The following MAD1L1 variants were observed in gnomAD, a reference collection of about 807,000 sequenced individuals.
MAD1L1 encodes mitotic arrest deficient 1 like 1.
A neutral mutation model predicts 96.9 loss-of-function variants in MAD1L1; 95 were observed. The ratio of observed to expected loss-of-function variants is 0.98; its 90% CI spans 0.83 to 1.16. The LOEUF (loss-of-function observed/expected upper bound fraction) is 1.16, where lower values mean the gene tolerates loss of function less well. Among genes scored for constraint, MAD1L1 ranks in the 50% most tolerant of loss-of-function variants. The pLI, the probability that MAD1L1 is intolerant of heterozygous loss-of-function variation, is 0.00. For missense variants in MAD1L1, 1,007 were observed against 954.4 expected (o/e 1.06, Z -0.73); for synonymous variants, 473 against 396.6 (o/e 1.19, Z -2.29).
chr7:2,176,556 A>C (rs939846373), intron 10 of MAD1L1, among the ~76,000 whole-genome samples: 1 of 152,186 alleles, frequency 6.6e-6, no homozygotes, highest in African/African-American at 2.4e-5. Flanking sequence ...CACTATTTTT[A>C]TACAAAAAAA....
At chr7:1,910,940 C>T (rs112616888) in intron 17 of MAD1L1, among the ~76,000 whole-genome samples, 1 of 152,184 alleles carries the variant, frequency 6.6e-6, no homozygotes, top group Admixed American at 6.5e-5. Context: ...TCTCTCCTGA[C>T]CCCCAACCCT....
chr7:2,169,985 G>A (rs750078485), intron 10 of MAD1L1, among the ~76,000 whole-genome samples: 2 of 152,212 alleles, frequency 1.3e-5, no homozygotes, highest in African/African-American at 2.4e-5. Context: ...TTCCTGAGAC[G>A]AGACAGGATG....
chr7:2,165,654 G>T (rs947954849), intron 10 of MAD1L1, among the ~76,000 whole-genome samples: 1 of 152,190 alleles, frequency 6.6e-6, no homozygotes, highest in Non-Finnish European at 1.5e-5. Context: ...GGCACGAAAC[G>T]ACCAAAACAC....
intron 15 of MAD1L1, among the ~76,000 whole-genome samples, chr7:1,979,891 G>C (rs748797249): frequency 2.0e-5 from 3 of 152,236 alleles, no homozygotes; most frequent in Non-Finnish European, 2.9e-5. Context: ...GCTCCCTTCT[G>C]AGCGTCAGGG....
chr7:2,055,617 C>T (rs1034108053), intron 12 of MAD1L1, among the ~76,000 whole-genome samples: 7 of 149,464 alleles, frequency 4.7e-5, no homozygotes, highest in Admixed American at 6.7e-5. Flanking sequence ...CTGCAGTGAG[C>T]CGAGACCACA....
intron 11 of MAD1L1, among the ~76,000 whole-genome samples, chr7:2,107,020 C>G (rs1282933715): frequency 6.6e-6 from 1 of 152,260 alleles, no homozygotes; most frequent in Non-Finnish European, 1.5e-5. Flanking sequence ...GGGCCCGGCC[C>G]CACAGCCTGG....
intron 18 of MAD1L1, among the ~76,000 whole-genome samples, chr7:1,856,364 G>A (rs1784250852): frequency 6.6e-6 from 1 of 152,192 alleles, no homozygotes; most frequent in Non-Finnish European, 1.5e-5. Context: ...GCTCGGGGAA[G>A]AACCCGCCAG....
chr7:2,223,987 C>T (rs887477205), intron 4 of MAD1L1, among the ~76,000 whole-genome samples: 1 of 152,172 alleles, frequency 6.6e-6, no homozygotes, highest in African/African-American at 2.4e-5. Flanking sequence ...CAGCAGGGAG[C>T]CCCAGGTGTA....
intron 12 of MAD1L1, among the ~76,000 whole-genome samples, chr7:2,044,915 G>C (rs1273189167): frequency 1.3e-5 from 2 of 152,122 alleles, no homozygotes; most frequent in Admixed American, 1.3e-4. Flanking sequence ...CGAGCCCCGG[G>C]CCAGGCCTGT....
chr7:1,997,010 G>T (rs574739960), intron 14 of MAD1L1, among the ~76,000 whole-genome samples: 16 of 152,082 alleles, frequency 1.1e-4, no homozygotes, highest in South Asian at 6.2e-4. Flanking sequence ...AGCTAATTAG[G>T]GGGGTTCGCT....
chr7:2,151,382 G>A (rs540014883), intron 10 of MAD1L1, among the ~76,000 whole-genome samples: 2 of 152,282 alleles, frequency 1.3e-5, no homozygotes, highest in East Asian at 1.9e-4. Context: ...AGACCACCCC[G>A]CCTCACACCC....
At chr7:2,106,189 G>A (rs891423048) in intron 11 of MAD1L1, among the ~76,000 whole-genome samples, 1 of 151,870 alleles carries the variant, frequency 6.6e-6, no homozygotes, top group African/African-American at 2.4e-5. Context: ...CTAGGAATTG[G>A]GCCCTTAGTG....
chr7:1,966,776 G>A (rs1377468202), intron 15 of MAD1L1, among the ~76,000 whole-genome samples: 4 of 152,234 alleles, frequency 2.6e-5, no homozygotes, highest in East Asian at 3.8e-4. Context: ...CAGGAACCGC[G>A]GTGAGGAGGA....
At chr7:2,008,590 C>A (rs1782142383) in intron 13 of MAD1L1, among the ~76,000 whole-genome samples, 1 of 152,198 alleles carries the variant, frequency 6.6e-6, no homozygotes, top group African/African-American at 2.4e-5. Context: ...GGGGTGGGGG[C>A]TGGGCTGACG....
At chr7:1,869,289 C>T (rs890758277) in intron 18 of MAD1L1, among the ~76,000 whole-genome samples, 15 of 152,238 alleles carry the variant, frequency 9.9e-5, no homozygotes, top group African/African-American at 3.4e-4. Flanking sequence ...CCCCCTCCCA[C>T]AGCCTCTCCC....
intron 1 of MAD1L1, among the ~76,000 whole-genome samples, chr7:2,232,468 A>G (rs1794246325): frequency 6.6e-6 from 1 of 152,148 alleles, no homozygotes; most frequent in African/African-American, 2.4e-5. Flanking sequence ...CGACTTCTCC[A>G]CCAGGCGCCA....
At chr7:1,966,278 T>C (rs1237380560) in intron 15 of MAD1L1, among the ~76,000 whole-genome samples, 7 of 152,186 alleles carry the variant, frequency 4.6e-5, no homozygotes, top group African/African-American at 1.7e-4. Flanking sequence ...ACAAAACCTC[T>C]TCTCACAATG....
chr7:1,939,721 G>A (rs996588404), intron 16 of MAD1L1, among the ~76,000 whole-genome samples: 6 of 152,242 alleles, frequency 3.9e-5, no homozygotes, highest in Admixed American at 3.3e-4. Context: ...TCTCAGGAGA[G>A]GCCGGTGTGG....
intron 18 of MAD1L1, among the ~76,000 whole-genome samples, chr7:1,855,568 A>C (rs563333271): frequency 6.6e-6 from 1 of 151,310 alleles, no homozygotes; most frequent in Non-Finnish European, 1.5e-5. Context: ...GCCCAGCTCC[A>C]CCCGAGGCGG....
Sources: allele counts gnomAD v4.1 joint callset (sites outside exome capture counted in the v4.1 genomes callset), GRCh38; gene constraint gnomAD v4.1.1; transcripts MANE v1.5; gene names NCBI Gene and HGNC (gene_info 2026-07-23, HGNC 2026-07-21).